HDAC9: variants seen among roughly 807,000 people sequenced by gnomAD.
The protein encoded by HDAC9 is MEF-2 interacting transcription repressor (MITR) protein.
A neutral mutation model predicts 139.4 loss-of-function variants in HDAC9; 41 were observed. That is an observed-to-expected ratio of 0.29 (90% confidence interval 0.23 to 0.38). The LOEUF is 0.38. Ranked by LOEUF, HDAC9 falls within the 10% of genes least tolerant of loss-of-function variation. The pLI, the probability that HDAC9 is intolerant of heterozygous loss-of-function variation, is 1.00. For synonymous variants in HDAC9, 517 were observed against 476.2 expected (o/e 1.09, Z -1.12); for missense variants, 1,147 against 1,297.0 (o/e 0.88, Z 1.78).
Position 18,629,387 on chromosome 7 carries a change from A to G in HDAC9, c.702A>G (p.Lys234=). ...ACTTGAAGGTGCGGTCCAGGTTAAAACAGAAAGTGGCAGAGAGGAGAAGCA... is the reference window on the plus strand; with the variant it reads ...ACTTGAAGGTGCGGTCCAGGTTAAAGCAGAAAGTGGCAGAGAGGAGAAGCA... ...EPNLKVRSRL[K]QKVAERRSSP... is the part of the protein sequence containing the mutation. Residue 234 remains lysine, a synonymous_variant, in exon 7 of 26, where the codon AAA becomes AAG. Coordinates refer to ENST00000686413, the MANE Select transcript of HDAC9 (RefSeq NM_178425.4). 1 of 1,610,346 alleles carries G rather than the reference A, an allele frequency of 6.2e-7. No homozygotes were observed. The highest frequency in any genetic ancestry group is 8.5e-7 in the Non-Finnish European group (1 of 1,178,380).
intron 1 of HDAC9, among the ~76,000 whole-genome samples, chr7:18,126,600 C>T (rs1216229275): frequency 3.9e-5 from 6 of 152,152 alleles, no homozygotes; most frequent in African/African-American, 1.4e-4. Flanking sequence ...TGAGCTCTCT[C>T]CTGCTGAGTT....
chr7:18,935,650 A>T (rs1206877640), intron 22 of HDAC9, among the ~76,000 whole-genome samples, 159 bp from the exon 23 acceptor site: 5 of 152,198 alleles, frequency 3.3e-5, no homozygotes, highest in Admixed American at 6.5e-5. Context: ...TAGAGATAAT[A>T]ATAGGACCTA....
chr7:18,162,225 C>T, intron 1 of HDAC9: 1 of 998,838 alleles, frequency 1.0e-6, no homozygotes, highest in Non-Finnish European at 1.5e-6. Context: ...TTCTTATGTT[C>T]TAGGTTTCTC....
chr7:18,444,998 A>C (rs1045514881), intron 1 of HDAC9, among the ~76,000 whole-genome samples: 1 of 152,228 alleles, frequency 6.6e-6, no homozygotes, highest in Non-Finnish European at 1.5e-5. Flanking sequence ...TGGGAGGTAC[A>C]TGTGAGTTTC....
At chr7:18,710,949 C>G (rs548620544) in intron 12 of HDAC9, among the ~76,000 whole-genome samples, 1 of 152,284 alleles carries the variant, frequency 6.6e-6, no homozygotes, top group African/African-American at 2.4e-5. Context: ...TCATACATTT[C>G]AAATTTGCAT....
intron 25 of HDAC9, among the ~76,000 whole-genome samples, chr7:18,985,154 T>C (rs1368473137): frequency 6.6e-6 from 1 of 152,200 alleles, no homozygotes; most frequent in Admixed American, 6.5e-5. Context: ...ACATGTGCCA[T>C]GCTGGTGCGC....
At chr7:18,682,301 T>A (rs920429516) in intron 12 of HDAC9, among the ~76,000 whole-genome samples, 1 of 152,074 alleles carries the variant, frequency 6.6e-6, no homozygotes. Context: ...TTCTTCTGTG[T>A]AATTGTACTT....
At chr7:18,980,756 T>C (rs1181098783) in intron 25 of HDAC9, among the ~76,000 whole-genome samples, 1 of 136,718 alleles carries the variant, frequency 7.3e-6, no homozygotes, top group Admixed American at 7.0e-5. Flanking sequence ...CTTCTTCTTC[T>C]TCCTTCTTCT....
chr7:18,873,931 A>T (rs1361842850), intron 21 of HDAC9, among the ~76,000 whole-genome samples: 1 of 151,902 alleles, frequency 6.6e-6, no homozygotes, highest in East Asian at 1.9e-4. Flanking sequence ...TGTAGTCTGG[A>T]TTCTATTAAG....
At chr7:18,487,551 T>C (rs1454187374) in intron 1 of HDAC9, among the ~76,000 whole-genome samples, 1 of 152,040 alleles carries the variant, frequency 6.6e-6, no homozygotes, top group Non-Finnish European at 1.5e-5. Flanking sequence ...ATAGGATGTA[T>C]AATATAAACT....
At chr7:18,918,319 C>A (rs150011424) in intron 22 of HDAC9, among the ~76,000 whole-genome samples, 358 of 150,564 alleles carry the variant, frequency 2.4e-3, no homozygotes, top group African/African-American at 8.2e-3. Flanking sequence ...GGTAGAGGAG[C>A]TGGCAGCTTG....
chr7:18,644,770 C>T lies in HDAC9; in HGVS notation c.1012C>T (p.Pro338Ser). ...PSLPNITLGL[P>S]AVPSQLNASN... Reference sequence around the variant, plus strand: ...TTTGCCCAACATTACCTTGGGGCTTCCCGCAGTGCCATCCCAGCTCAATGT... The same window carrying T: ...TTTGCCCAACATTACCTTGGGGCTTTCCGCAGTGCCATCCCAGCTCAATGT... Residue 338 changes from proline (P) to serine (S), a missense_variant, in exon 9 of 26, where the codon CCC (proline) becomes TCC (serine). By Grantham distance (74) the Pro-to-Ser change is moderately conservative (BLOSUM62 -1). This residue lies in a region of HDAC9 where 264 missense variants were observed against 273.8 expected (regional missense o/e 0.96). Coordinates refer to ENST00000686413, the MANE Select transcript of HDAC9 (RefSeq NM_178425.4). 6.2e-7 allele frequency: 1 copy of T among 1,611,836 alleles called. No individual in the cohort carries two copies. The highest frequency in any genetic ancestry group is 8.5e-7 in the Non-Finnish European group (1 of 1,178,778).
intron 1 of HDAC9, among the ~76,000 whole-genome samples, chr7:18,147,129 CT>C (rs955645748): frequency 2.1e-4 from 31 of 151,058 alleles, no homozygotes; most frequent in East Asian, 5.8e-4. Context: ...AATCATCTCC[CT>C]TTTTTTTTGT....
intron 2 of HDAC9, among the ~76,000 whole-genome samples, chr7:18,545,604 G>T (rs1056455157): frequency 6.6e-6 from 1 of 152,156 alleles, no homozygotes; most frequent in Admixed American, 6.5e-5. Flanking sequence ...TAAGTTCCTT[G>T]GGAATAGGCA....
chr7:18,492,519 AC>A (rs1179602016), upstream of HDAC9, among the ~76,000 whole-genome samples: 5 of 151,752 alleles, frequency 3.3e-5, no homozygotes, highest in African/African-American at 1.2e-4. Context: ...GGCCCTTGTT[AC>A]TTTTTTTACC....
At chr7:18,797,933 C>T (rs1004009287) in intron 17 of HDAC9, among the ~76,000 whole-genome samples, 2 of 151,484 alleles carry the variant, frequency 1.3e-5, no homozygotes, top group African/African-American at 4.9e-5. Flanking sequence ...GCATATTTCC[C>T]CTAAAAGGTA....
chr7:18,382,019 G>C (rs1239150392), intron 1 of HDAC9, among the ~76,000 whole-genome samples: 5 of 152,022 alleles, frequency 3.3e-5, no homozygotes, highest in African/African-American at 1.2e-4. Flanking sequence ...GTGAATATGA[G>C]AGTCTCAAAG....
chr7:18,337,280 G>A (rs1165896736), intron 1 of HDAC9, among the ~76,000 whole-genome samples: 3 of 151,614 alleles, frequency 2.0e-5, no homozygotes, highest in African/African-American at 7.3e-5. Flanking sequence ...TGCAGTAGCA[G>A]TTCTACTGAA....
chr7:18,558,773 C>T (rs1336595092), intron 2 of HDAC9, among the ~76,000 whole-genome samples: 1 of 152,176 alleles, frequency 6.6e-6, no homozygotes, highest in East Asian at 1.9e-4. Flanking sequence ...CTCAAATGGT[C>T]TCGATTCAGT....
Sources: allele counts gnomAD v4.1 joint callset (sites outside exome capture counted in the v4.1 genomes callset), GRCh38; gene constraint gnomAD v4.1.1; regional missense constraint gnomAD v4.1.1; transcripts MANE v1.5; gene names NCBI Gene and HGNC (gene_info 2026-07-23, HGNC 2026-07-21).